Variants in ETV3 observed in about 807,000 individuals in gnomAD.
ETV3 encodes ETS variant transcription factor 3.
A neutral mutation model predicts 33.0 loss-of-function variants in ETV3; 8 were observed. That is an observed-to-expected ratio of 0.24 (90% CI 0.14 to 0.44). The LOEUF (loss-of-function observed/expected upper bound fraction) is 0.44, where lower values mean the gene tolerates loss of function less well. Among genes scored for constraint, ETV3 ranks in the 20% least tolerant of loss-of-function variants. The probability of loss-of-function intolerance (pLI) is 1.00; values close to 1 mark genes in which losing one functional copy is unlikely to be tolerated. For synonymous variants in ETV3, 222 were observed against 238.9 expected (o/e 0.93, Z 0.65); for missense variants, 473 against 652.3 (o/e 0.73, Z 2.99).
Position 157,125,267 on chromosome 1 carries a change from G to A in ETV3, c.1113C>T (p.Pro371=). The stretch of plus-strand genomic sequence containing the variant: ...TTCTTGGGGGAATAGAAGCCATGGT[G>A]GGCGTGGTGACTGGTGCTGACTCCT... The part of the protein sequence containing the change: ...SSEESAPVTT[P]TMASIPPRIK... Residue 371 remains proline, a synonymous_variant, in exon 5 of 5, where the codon CCC becomes CCT. Transcript: ENST00000368192. The surrounding 1 kb of genome is among the most constrained non-coding windows in gnomAD (Gnocchi z 4.0). The A allele has an allele frequency of 6.4e-7, 1 of 1,552,098 alleles. No individual in the cohort carries two copies. The highest frequency in any genetic ancestry group is 8.7e-7 in the Non-Finnish European group (1 of 1,147,106).
At chr1:157,133,768 C>A in intron 4 of ETV3, 1 of 1,037,588 alleles carries the variant, frequency 9.6e-7, no homozygotes, top group Non-Finnish European at 1.2e-6. Context: ...TATGAAAGAA[C>A]CACTGGGCTG....
chr1:157,126,082 A>T, intron 4 of ETV3, 103 bp from the exon 5 acceptor site: 9 of 1,072,442 alleles, frequency 8.4e-6, no homozygotes, highest in Non-Finnish European at 1.2e-5. Context: ...ACAGGAAACA[A>T]TCATTCCAAC....
At chr1:157,129,737 T>C (rs374814314) in intron 4 of ETV3, among the ~76,000 whole-genome samples, 22 of 152,346 alleles carry the variant, frequency 1.4e-4, no homozygotes, top group East Asian at 1.2e-3. Flanking sequence ...AGAGTACATC[T>C]ACTCAAAAGC....
intron 4 of ETV3, among the ~76,000 whole-genome samples, chr1:157,129,938 G>C (rs1267749333): frequency 6.6e-6 from 1 of 151,942 alleles, no homozygotes; most frequent in Non-Finnish European, 1.5e-5. Context: ...CCGCCTCCCA[G>C]GTTCAAGCAA....
intron 1 of ETV3, among the ~76,000 whole-genome samples, chr1:157,136,856 TTTTGA>T (rs1189230353): frequency 1.3e-5 from 2 of 152,126 alleles, no homozygotes; most frequent in African/African-American, 2.4e-5. Flanking sequence ...GAACATCTGA[TTTTGA>T]TTTATTTTAC....
intron 4 of ETV3, chr1:157,133,837 C>G: frequency 1.7e-6 from 2 of 1,200,028 alleles, no homozygotes; most frequent in South Asian, 5.4e-5. Flanking sequence ...ACATCATTCC[C>G]AAACAAGATA....
intron 3 of ETV3, among the ~76,000 whole-genome samples, chr1:157,134,567 C>G (rs1199028953): frequency 6.6e-6 from 1 of 152,226 alleles, no homozygotes; most frequent in Non-Finnish European, 1.5e-5. Context: ...ATGTCACTAA[C>G]TGCTTAGTTT....
chr1:157,129,608 CT>C (rs1219946833), intron 4 of ETV3, among the ~76,000 whole-genome samples: 1 of 152,154 alleles, frequency 6.6e-6, no homozygotes, highest in Non-Finnish European at 1.5e-5. Flanking sequence ...GATGGATGAC[CT>C]TGCAAATGAT....
At position 157,136,370 on chromosome 1, in the gene ETV3, G is replaced by A. The variant is rs929902695; in HGVS notation, c.-13-5C>T. 3.1e-6 allele frequency: 5 copies of A among 1,605,554 alleles called. No individual in the cohort carries two copies. Among genetic ancestry groups the A allele is most frequent in the Admixed American group, 3.4e-5 (2 of 58,154 alleles). On this transcript the variant is annotated splice_polypyrimidine_tract_variant and splice_region_variant and intron_variant, in intron 1 of 4. Coordinates refer to ENST00000368192, the MANE Select transcript of ETV3 (RefSeq NM_001145312.3). ...GCTTTCATTTTCACCCGCCTGCTGAGAGACACAAGCCACACAATTACTTTA... is the reference window on the plus strand; with the variant it reads ...GCTTTCATTTTCACCCGCCTGCTGAAAGACACAAGCCACACAATTACTTTA...
chr1:157,129,302 T>C (rs1454726432), intron 4 of ETV3, among the ~76,000 whole-genome samples: 2 of 152,254 alleles, frequency 1.3e-5, no homozygotes, highest in South Asian at 2.1e-4. Flanking sequence ...TAGGATCAGA[T>C]GCTTTAAAAA....
rs1674802648 is a variant in ETV3 at position 157,125,285 on chromosome 1, T to C, written c.1095A>G (p.Ser365=). The C allele has an allele frequency of 1.9e-6, 3 of 1,552,172 alleles. No homozygotes were observed. The highest frequency in any genetic ancestry group is 2.6e-6 in the Non-Finnish European group (3 of 1,147,110). ...NRERVESSEE[S]APVTTPTMAS... is the part of the protein sequence containing the mutation. Reference sequence around the variant, plus strand: ...CCATGGTGGGCGTGGTGACTGGTGCTGACTCCTCGCTGCTCTCAACCCTCT... The same window carrying C: ...CCATGGTGGGCGTGGTGACTGGTGCCGACTCCTCGCTGCTCTCAACCCTCT... Residue 365 remains serine (S), a synonymous_variant, in exon 5 of 5, where the codon TCA becomes TCG. Transcript: ENST00000368192. The surrounding 1 kb of genome is among the most constrained non-coding windows in gnomAD (Gnocchi z 4.0).
intron 4 of ETV3, chr1:157,133,653 C>T (rs967624912): frequency 7.1e-6 from 7 of 989,132 alleles, no homozygotes; most frequent in African/African-American, 7.0e-5. Context: ...GAACCTCCCC[C>T]TTCTCTGATC....
chr1:157,125,833 T>C lies in ETV3; in HGVS notation c.547A>G (p.Asn183Asp), dbSNP rs1460776055. The C allele has an allele frequency of 3.9e-6, 6 of 1,551,512 alleles. No individual in the cohort carries two copies. Among genetic ancestry groups the C allele is most frequent in the Non-Finnish European group, 5.2e-6 (6 of 1,147,000 alleles). ...AGCTCAGTCTTTCTATCAGTACCAT[T>C]ACTGGACTCCTGGCCAGAAGCAGTT... ...SLTASGQESS[N>D]GTDRKTELSE... Residue 183 changes from asparagine to aspartate, a missense_variant, in exon 5 of 5, where the codon AAT becomes GAT. By Grantham distance (23) the Asn-to-Asp change is conservative (BLOSUM62 1). Transcript: ENST00000368192. The surrounding 1 kb of genome is among the most constrained non-coding windows in gnomAD (Gnocchi z 4.0).
At chr1:157,135,358 T>A (rs951749607) in intron 3 of ETV3, 113 bp downstream of exon 3, 2 of 1,259,938 alleles carry the variant, frequency 1.6e-6, no homozygotes, top group East Asian at 4.7e-5. Flanking sequence ...GACACATTAT[T>A]CACTAAGATA....
Position 157,125,107 on chromosome 1 carries a change from G to A in ETV3, c.1273C>T (p.Arg425Cys), listed in dbSNP as rs1362538830. Residue 425 changes from arginine (R) to cysteine (C), a missense_variant, in exon 5 of 5, where the codon CGT (arginine) becomes TGT (cysteine). Transcript: ENST00000368192. The surrounding 1 kb of genome is among the most constrained non-coding windows in gnomAD (Gnocchi z 4.0). Reference protein sequence around the residue: ...IEEEKGTIFARPAAPPIWPSV... With the variant: ...IEEEKGTIFACPAAPPIWPSV... The stretch of plus-strand genomic sequence containing the variant: ...GGCCAGATGGGTGGTGCAGCAGGAC[G>A]GGCAAAGATGGTGCCTTTTTCCTCT... 57 of 1,544,912 alleles carry A rather than the reference G, an allele frequency of 3.7e-5. No homozygotes were observed. The highest frequency in any genetic ancestry group is 4.6e-5 in the Non-Finnish European group (53 of 1,143,338).
chr1:157,136,245 A>T (rs1675106586), intron 2 of ETV3, 62 bp downstream of exon 2: 1 of 1,480,666 alleles, frequency 6.8e-7, no homozygotes, highest in Non-Finnish European at 9.4e-7. Flanking sequence ...GCTCAAGTGG[A>T]GAGGACAGGA....
Position 157,125,241 on chromosome 1 carries a change from A to T in ETV3, c.1139T>A (p.Ile380Asn), listed in dbSNP as rs776198124. 18 of 1,552,018 alleles carry T rather than the reference A, an allele frequency of 1.2e-5. No individual in the cohort carries two copies. The South Asian group carries it at 2.0e-4, about 17-fold the overall frequency. The change falls in exon 5 of 5, where the codon ATC (isoleucine) becomes AAC (asparagine). Residue 380 changes from isoleucine to asparagine, a missense_variant. By Grantham distance (149) the Ile-to-Asn change is moderately radical. Transcript: ENST00000368192. This position sits in a 1 kb window ranked among gnomAD's most constrained non-coding sequence, Gnocchi z 4.0. ...TPTMASIPPR[I>N]KVEPASEKDP... is the part of the protein sequence containing the mutation. ...CTTTTCAGAGGCAGGTTCCACCTTG[A>T]TTCTTGGGGGAATAGAAGCCATGGT...
Position 157,134,181 on chromosome 1 carries a change from A to C in ETV3, c.331T>G (p.Phe111Val). The C allele has an allele frequency of 6.2e-7, 1 of 1,613,946 alleles. No individual in the cohort carries two copies. The change falls in exon 4 of 5, where the codon TTT (phenylalanine) becomes GTT (valine). Residue 111 changes from phenylalanine to valine, a missense_variant. Around this residue, in one of 3 missense-constraint regions of ETV3, gnomAD observed 410 missense variants for 520.2 expected, o/e 0.79. Coordinates refer to ENST00000368192, the MANE Select transcript of ETV3 (RefSeq NM_001145312.3). Reference sequence around the variant, plus strand: ...TTGTTGAAGTTAAATTTATAGGTAAATCTTTTCCCTTTTGTTTTATGAAGG... The same window carrying C: ...TTGTTGAAGTTAAATTTATAGGTAACTCTTTTCCCTTTTGTTTTATGAAGG... ...RILHKTKGKRFTYKFNFNKLV... is the reference protein window; with the variant it reads ...RILHKTKGKRVTYKFNFNKLV...
Position 157,125,854 on chromosome 1 carries a change from C to T in ETV3, c.526G>A (p.Ala176Thr). Residue 176 changes from alanine (A) to threonine (T), a missense_variant, in exon 5 of 5, where the codon GCT becomes ACT. Transcript: ENST00000368192. This position sits in a 1 kb window ranked among gnomAD's most constrained non-coding sequence, Gnocchi z 4.0. ...PGRFSASSLT[A>T]SGQESSNGTD... ...CCATTACTGGACTCCTGGCCAGAAG[C>T]AGTTAGGGAGCTAGCAGAGAACCGT... 1 of 1,551,714 alleles carries T rather than the reference C, an allele frequency of 6.4e-7. No individual in the cohort carries two copies. Among genetic ancestry groups the T allele is most frequent in the South Asian group, 1.2e-5 (1 of 84,058 alleles).
Sources: gnomAD v4.1 joint callset for allele counts (sites outside exome capture counted in the v4.1 genomes callset) on GRCh38, gnomAD v4.1.1 for gene constraint, gnomAD v4.1.1 regional missense constraint, Gnocchi (gnomAD v3.1) non-coding constraint, MANE v1.5 for transcripts, NCBI Gene and HGNC (gene_info 2026-07-23, HGNC 2026-07-21) for gene names.